ELF2: variants seen among roughly 807,000 people sequenced by gnomAD.
The protein encoded by ELF2 is E74 like ETS transcription factor 2.
A neutral mutation model predicts 54.8 loss-of-function variants in ELF2; 11 were observed. The observed-to-expected ratio is 0.20, with a 90% confidence interval of 0.13 to 0.33. The LOEUF (loss-of-function observed/expected upper bound fraction) is 0.33. Ranked by LOEUF, ELF2 falls within the 10% of genes least tolerant of loss-of-function variation. The pLI, the probability that ELF2 is intolerant of heterozygous loss-of-function variation, is 1.00. For synonymous variants in ELF2, 203 were observed against 245.1 expected, an observed-to-expected ratio of 0.83 and a Z score of 1.61; for missense variants, 513 against 703.0, an observed-to-expected ratio of 0.73 and a Z score of 3.06.
chr4:139,106,475 C>T (rs886069968), intron 4 of ELF2, among the ~76,000 whole-genome samples: 3 of 152,020 alleles, frequency 2.0e-5, no homozygotes, highest in African/African-American at 4.8e-5. Flanking sequence ...TTAGCTCTTT[C>T]GTTTTAAATA....
chr4:139,084,877 A>G (rs1237979078), intron 4 of ELF2, among the ~76,000 whole-genome samples: 1 of 152,228 alleles, frequency 6.6e-6, no homozygotes, highest in Non-Finnish European at 1.5e-5. Context: ...TTCTGAAAGC[A>G]TTACTTGGAA....
In ELF2 at chr4:139,137,826, T is replaced by A. The variant is rs972266783; in HGVS notation, c.-125A>T. Reference sequence around the variant, plus strand: ...GTCAATAGAGATGGAGTGGAGTAGATATCCAGAAATCCAGTCTTCTAAAGA... The same window carrying A: ...GTCAATAGAGATGGAGTGGAGTAGAAATCCAGAAATCCAGTCTTCTAAAGA... On this transcript the variant is annotated 5_prime_UTR_variant, in exon 3 of 10. Coordinates refer to ENST00000686138, the MANE Select transcript of ELF2 (RefSeq NM_001331036.3). 16 of 1,399,532 alleles carry A rather than the reference T, an allele frequency of 1.1e-5. No homozygotes were observed. Among genetic ancestry groups the A allele is most frequent in the Non-Finnish European group, 1.5e-5 (16 of 1,075,956 alleles). 86.7% of individuals were successfully genotyped at this position (1,399,532 alleles called of 1,614,324 possible).
intron 1 of ELF2, among the ~76,000 whole-genome samples, chr4:139,168,807 A>G (rs1368035449): frequency 6.6e-6 from 1 of 152,040 alleles, no homozygotes; most frequent in African/African-American, 2.4e-5. Flanking sequence ...GGCTCAAGCA[A>G]TCCTCCTGCC....
intron 3 of ELF2, among the ~76,000 whole-genome samples, chr4:139,133,860 A>C (rs1411345159): frequency 6.6e-6 from 1 of 152,166 alleles, no homozygotes; most frequent in Non-Finnish European, 1.5e-5. Context: ...CACTCACCTC[A>C]TATCCTCTGG....
intron 4 of ELF2, among the ~76,000 whole-genome samples, chr4:139,087,858 C>T (rs1421074451): frequency 4.6e-5 from 7 of 152,134 alleles, no homozygotes; most frequent in Admixed American, 4.6e-4. Flanking sequence ...ACATTTATGA[C>T]AACTCATTTC....
At chr4:139,177,764 C>A (rs1039386721), upstream of ELF2, among the ~76,000 whole-genome samples, 4 of 152,158 alleles carry the variant, frequency 2.6e-5, no homozygotes, top group Non-Finnish European at 5.9e-5. Flanking sequence ...CAGGCCCCGC[C>A]GTCACCGCAT....
chr4:139,172,011 CA>C (rs555462008), intron 1 of ELF2, among the ~76,000 whole-genome samples: 4 of 152,308 alleles, frequency 2.6e-5, no homozygotes, highest in Non-Finnish European at 5.9e-5. Flanking sequence ...CTAGAACTCT[CA>C]AACATTGCTG....
intron 1 of ELF2, among the ~76,000 whole-genome samples, chr4:139,148,596 T>C (rs910346884): frequency 1.3e-5 from 2 of 152,140 alleles, no homozygotes; most frequent in African/African-American, 4.8e-5. Flanking sequence ...TAATATCCTA[T>C]TGTATAGACA....
chr4:139,156,355 A>G (rs946769163), intron 1 of ELF2, among the ~76,000 whole-genome samples: 1 of 151,906 alleles, frequency 6.6e-6, no homozygotes, highest in Admixed American at 6.6e-5. Flanking sequence ...TTGTTTTTGT[A>G]TTTTTAGTAG....
chr4:139,128,720 C>T lies in ELF2; in HGVS notation c.73-3391G>A, dbSNP rs1737196409. Among the ~76,000 whole-genome samples the T allele has an allele frequency of 2.6e-5, 4 of 151,454 alleles. No homozygotes were observed. In the South Asian group the frequency reaches 8.4e-4, roughly 32 times the overall value. On this transcript the variant is annotated intron_variant, in intron 3 of 9. Coordinates refer to ENST00000686138, the MANE Select transcript of ELF2 (RefSeq NM_001331036.3). Reference sequence around the variant, plus strand: ...TATTTTTGGTAGAGACAGGGTTTCACCATGTTGCCCAGGCTGGTCTTGAAC... The same window carrying T: ...TATTTTTGGTAGAGACAGGGTTTCATCATGTTGCCCAGGCTGGTCTTGAAC...
intron 1 of ELF2, among the ~76,000 whole-genome samples, chr4:139,140,584 T>C (rs1738609009): frequency 6.6e-6 from 1 of 151,942 alleles, no homozygotes; most frequent in South Asian, 2.1e-4. Flanking sequence ...GAAACCCCTG[T>C]CTCTACAAAA....
In ELF2 at chr4:139,151,032, A is replaced by AAAAGAAAGAAAGAAAG. The variant is rs71600182; in HGVS notation, c.-251-11551_-251-11536dup. On this transcript the variant is annotated intron_variant, in intron 1 of 9. Coordinates refer to ENST00000686138, the MANE Select transcript of ELF2 (RefSeq NM_001331036.3). Reference sequence around the variant, plus strand: ...GAACGAGGCTCCATCTCAAAAAAAAAAAAGAAAGAAAGAAAGAAAGAAAGA... The same window carrying AAAAGAAAGAAAGAAAG: ...GAACGAGGCTCCATCTCAAAAAAAAAAAAGAAAGAAAGAAAGAAAGAAAGAAAGAAAGAAAGAAAGA... Among the ~76,000 whole-genome samples the AAAAGAAAGAAAGAAAG allele has an allele frequency of 3.6e-3, 365 of 102,518 alleles. 7 individuals are homozygous for AAAAGAAAGAAAGAAAG. Among genetic ancestry groups the AAAAGAAAGAAAGAAAG allele is most frequent in the African/African-American group, 5.9e-3 (116 of 19,722 alleles). 67.3% of individuals were successfully genotyped at this position (102,518 alleles called of 152,430 possible).
intron 7 of ELF2, 50 bp downstream of exon 7, chr4:139,067,634 C>A (rs1457064662): frequency 1.9e-6 from 3 of 1,583,056 alleles, no homozygotes; most frequent in Admixed American, 3.4e-5. Flanking sequence ...AAAATGTCAC[C>A]TAACTGAAAA....
At chr4:139,151,709 T>C (rs1191850601) in intron 1 of ELF2, among the ~76,000 whole-genome samples, 1 of 152,252 alleles carries the variant, frequency 6.6e-6, no homozygotes, top group Non-Finnish European at 1.5e-5. Context: ...AGGGTACTGA[T>C]TTTATTAATT....
chr4:139,071,035 A>T lies in ELF2; in HGVS notation c.526+831T>A, dbSNP rs113331504. On this transcript the variant is annotated intron_variant, in intron 6 of 9. Coordinates refer to ENST00000686138, the MANE Select transcript of ELF2 (RefSeq NM_001331036.3). ...CCAATTTTACCTTTGATTTCAACAGAAAAAGACCCACTTACTGCCCATTTC... is the reference window on the plus strand; with the variant it reads ...CCAATTTTACCTTTGATTTCAACAGTAAAAGACCCACTTACTGCCCATTTC... 6.1e-3 allele frequency among the ~76,000 whole-genome samples: 926 copies of T among 152,254 alleles called. 14 individuals are homozygous for T. The highest frequency in any genetic ancestry group is 0.021 in the African/African-American group (879 of 41,528).
chr4:139,149,996 C>A (rs1739702118), intron 1 of ELF2, among the ~76,000 whole-genome samples: 1 of 151,902 alleles, frequency 6.6e-6, no homozygotes, highest in African/African-American at 2.4e-5. Flanking sequence ...GGAGCTTGAG[C>A]CCAGTCTGGG....
At chr4:139,155,624 A>G (rs1363071118) in intron 1 of ELF2, among the ~76,000 whole-genome samples, 1 of 152,194 alleles carries the variant, frequency 6.6e-6, no homozygotes, top group Non-Finnish European at 1.5e-5. Context: ...GATAAAAGCA[A>G]TATAATCTAA....
At chr4:139,136,156 G>GT (rs1271845213) in intron 3 of ELF2, among the ~76,000 whole-genome samples, 1 of 152,142 alleles carries the variant, frequency 6.6e-6, no homozygotes, top group Non-Finnish European at 1.5e-5. Flanking sequence ...AATGTCTTCG[G>GT]TGAGTCATTC....
At chr4:139,114,786 G>A in intron 4 of ELF2, 1 of 1,453,922 alleles carries the variant, frequency 6.9e-7, no homozygotes, top group Non-Finnish European at 9.3e-7. Flanking sequence ...GGGGGCAGGG[G>A]AAGAGACCCC....
Sources: allele counts gnomAD v4.1 joint callset (sites outside exome capture counted in the v4.1 genomes callset), GRCh38; gene constraint gnomAD v4.1.1; transcripts MANE v1.5; gene names NCBI Gene and HGNC (gene_info 2026-07-23, HGNC 2026-07-21).